The following WARS2 variants were observed in gnomAD, a reference collection of about 807,000 sequenced individuals.
WARS2 encodes tryptophan--tRNA ligase, mitochondrial.
WARS2 carries 28 observed loss-of-function variants against 36.5 expected under a neutral mutation model. The observed-to-expected ratio is 0.77, with a 90% confidence interval of 0.57 to 1.05. The LOEUF is 1.05. Ranked by LOEUF, WARS2 falls within the 50% of genes least tolerant of loss-of-function variation. WARS2 has a pLI of 0.00. For synonymous variants in WARS2, 174 were observed against 178.4 expected, an observed-to-expected ratio of 0.98 and a Z score of 0.20; for missense variants, 435 against 456.8, an observed-to-expected ratio of 0.95 and a Z score of 0.44.
At chr1:119,128,945 T>C (rs1213866164) in intron 1 of WARS2, among the ~76,000 whole-genome samples, 1 of 152,196 alleles carries the variant, frequency 6.6e-6, no homozygotes, top group East Asian at 1.9e-4. Context: ...TAAGGAAATA[T>C]GGTCTGCTAA....
At chr1:119,049,932 A>T (rs1281472337) in intron 2 of WARS2, among the ~76,000 whole-genome samples, 1 of 152,206 alleles carries the variant, frequency 6.6e-6, no homozygotes, top group East Asian at 1.9e-4. Context: ...AGCTCCCTAC[A>T]GTCTATTCTT....
At chr1:119,088,204 G>A (rs1337767852) in intron 1 of WARS2, among the ~76,000 whole-genome samples, 1 of 152,148 alleles carries the variant, frequency 6.6e-6, no homozygotes, top group African/African-American at 2.4e-5. Context: ...TAAGCCAACA[G>A]TTCTCAATCT....
At chr1:119,103,633 T>A (rs1339590759) in intron 1 of WARS2, among the ~76,000 whole-genome samples, 1 of 151,804 alleles carries the variant, frequency 6.6e-6, no homozygotes, top group Admixed American at 6.6e-5. Context: ...TACTAGATTT[T>A]AAAAAATTGT....
intron 4 of WARS2, among the ~76,000 whole-genome samples, chr1:119,036,410 A>G (rs903493502): frequency 1.1e-4 from 17 of 152,300 alleles, no homozygotes; most frequent in African/African-American, 4.1e-4. Flanking sequence ...TGGGATGTAC[A>G]TGCAGACACC....
intron 1 of WARS2, among the ~76,000 whole-genome samples, chr1:119,128,074 T>C (rs942823000): frequency 2.6e-5 from 4 of 152,138 alleles, no homozygotes; most frequent in African/African-American, 7.2e-5. Context: ...TTTTTTAAAA[T>C]TTTTTAACTT....
intron 2 of WARS2, among the ~76,000 whole-genome samples, chr1:119,059,642 G>A (rs1012541443): frequency 6.6e-6 from 1 of 152,110 alleles, no homozygotes; most frequent in Admixed American, 6.5e-5. Context: ...AAGCTGTTTT[G>A]AGTATTCTAA....
chr1:119,048,557 G>T (rs1649053095), intron 2 of WARS2, among the ~76,000 whole-genome samples: 2 of 152,164 alleles, frequency 1.3e-5, no homozygotes, highest in Non-Finnish European at 2.9e-5. Context: ...CATAACTACA[G>T]CTTAATATCA....
chr1:119,074,427 T>C (rs587749767), intron 2 of WARS2, among the ~76,000 whole-genome samples: 34 of 152,298 alleles, frequency 2.2e-4, no homozygotes, highest in Non-Finnish European at 4.6e-4. Flanking sequence ...AGAAATTAAA[T>C]GAATGAATGG....
intron 2 of WARS2, among the ~76,000 whole-genome samples, chr1:119,059,981 T>C (rs12132168): frequency 0.051 from 7,730 of 152,254 alleles, 255 homozygotes; most frequent in Non-Finnish European, 0.07. Context: ...AAATAACTAA[T>C]GGATACTAGA....
chr1:119,128,549 A>G (rs1655848786), intron 1 of WARS2, among the ~76,000 whole-genome samples: 2 of 151,936 alleles, frequency 1.3e-5, no homozygotes, highest in African/African-American at 2.4e-5. Context: ...AGTTTAAAAA[A>G]GCTTGATTTA....
chr1:119,100,124 C>T (rs1653754231), intron 1 of WARS2, among the ~76,000 whole-genome samples: 1 of 151,882 alleles, frequency 6.6e-6, no homozygotes, highest in South Asian at 2.1e-4. Flanking sequence ...AAAAGCAATC[C>T]CATTAAAAAG....
In WARS2 at chr1:119,042,299, G is replaced by A. The variant is rs1273423227; in HGVS notation, c.480C>T (p.Tyr160=). The change falls in exon 4 of 6, where the codon TAC becomes TAT. Residue 160 remains tyrosine, a synonymous_variant. Coordinates refer to ENST00000235521, the MANE Select transcript of WARS2 (RefSeq NM_015836.4). ...KHDGTVGLLT[Y]PVLQAADILL... The stretch of plus-strand genomic sequence containing the variant: ...GAATGTCGGCTGCCTGGAGTACTGG[G>A]TATGTGAGCAGGCCCACCGTGCCAT... 1 of 1,613,868 alleles carries A rather than the reference G, an allele frequency of 6.2e-7. No individual in the cohort carries two copies.
intron 1 of WARS2, among the ~76,000 whole-genome samples, chr1:119,121,385 A>G (rs587719307): frequency 3.4e-4 from 52 of 152,296 alleles, no homozygotes; most frequent in African/African-American, 1.3e-3. Context: ...GCTGAAGGAA[A>G]TCATAGATGA....
rs146808427 is a variant in WARS2 at position 119,136,597 on chromosome 1, C to A, written c.90+3958G>T. ...CAAAATTCCCAGATGATTGTAGTAG[C>A]TCTTGAACACATACCATGCTGATTA... On this transcript the variant is annotated intron_variant, in intron 1 of 5. Transcript: ENST00000235521. Among the ~76,000 whole-genome samples, 32 of 152,292 alleles carry A rather than the reference C, an allele frequency of 2.1e-4. No individual in the cohort carries two copies. The East Asian group carries it at 6.0e-3, about 28-fold the overall frequency.
At chr1:119,099,820 T>C (rs1653728136) in intron 1 of WARS2, among the ~76,000 whole-genome samples, 1 of 152,122 alleles carries the variant, frequency 6.6e-6, no homozygotes, top group Non-Finnish European at 1.5e-5. Flanking sequence ...GATGAAGAAC[T>C]TAAACATAGA....
At chr1:119,089,162 G>T (rs1328563100) in intron 1 of WARS2, among the ~76,000 whole-genome samples, 1 of 152,152 alleles carries the variant, frequency 6.6e-6, no homozygotes, top group Non-Finnish European at 1.5e-5. Flanking sequence ...CATTTCTAAA[G>T]TTAGTTTCCT....
intron 4 of WARS2, among the ~76,000 whole-genome samples, chr1:119,037,418 C>CT (rs1647975633): frequency 6.6e-6 from 1 of 152,140 alleles, no homozygotes; most frequent in Non-Finnish European, 1.5e-5. Flanking sequence ...TCTTTTTCTA[C>CT]TTTTTTGGCT....
intron 1 of WARS2, among the ~76,000 whole-genome samples, chr1:119,132,536 C>T (rs1051616953): frequency 1.4e-4 from 21 of 152,182 alleles, no homozygotes; most frequent in African/African-American, 5.1e-4. Context: ...GACCATTCTC[C>T]CCATGGGAGG....
intron 1 of WARS2, among the ~76,000 whole-genome samples, chr1:119,135,583 CA>C (rs1448504112): frequency 5.9e-5 from 9 of 152,058 alleles, no homozygotes; most frequent in African/African-American, 2.2e-4. Flanking sequence ...ATAATATTTA[CA>C]AATTGTTGTA....
Sources: gnomAD v4.1 joint callset for allele counts (sites outside exome capture counted in the v4.1 genomes callset) on GRCh38, gnomAD v4.1.1 for gene constraint, MANE v1.5 for transcripts, NCBI Gene and HGNC (gene_info 2026-07-23, HGNC 2026-07-21) for gene names.